KIF7: variants seen among roughly 807,000 people sequenced by gnomAD.
The protein encoded by KIF7 is kinesin-like protein KIF7.
A neutral mutation model predicts 135.7 loss-of-function variants in KIF7; 104 were observed. The ratio of observed to expected loss-of-function variants is 0.77; its 90% CI spans 0.65 to 0.90. KIF7 has a LOEUF of 0.90. Among genes scored for constraint, KIF7 ranks in the 40% least tolerant of loss-of-function variants. KIF7 has a pLI of 0.00. For synonymous variants in KIF7, 883 were observed against 809.4 expected (o/e 1.09, Z -1.54); for missense variants, 2,005 against 1,839.1 (o/e 1.09, Z -1.65).
the KIF7 span, among the ~76,000 whole-genome samples, chr15:89,662,381 C>T: frequency 6.6e-6 from 1 of 152,168 alleles, no homozygotes; most frequent in Non-Finnish European, 1.5e-5. Context: ...CCTGTAATCT[C>T]AGCTATTCAG....
At chr15:89,629,232 T>TGGGCC (rs1963612978) in intron 17 of KIF7, 110 bp from the exon 18 acceptor site, 2 of 1,069,918 alleles carry the variant, frequency 1.9e-6, no homozygotes, top group Admixed American at 4.4e-5. Flanking sequence ...TTGTGAGCGG[T>TGGGCC]GGGCCGGGCC....
chr15:89,631,676 C>A lies in KIF7; in HGVS notation c.2930G>T (p.Arg977Leu). 6.4e-7 allele frequency: 1 copy of A among 1,558,038 alleles called. No individual in the cohort carries two copies. The highest frequency in any genetic ancestry group is 8.7e-7 in the Non-Finnish European group (1 of 1,149,754). Residue 977 changes from arginine (R) to leucine (L), a missense_variant, in exon 15 of 19, where the codon CGG becomes CTG. By Grantham distance (102) the Arg-to-Leu change is moderately radical (BLOSUM62 -2). Transcript: ENST00000394412. The stretch of plus-strand genomic sequence containing the variant: ...CAGCTCCTTCTCCAGGTGCTCCAGC[C>A]GGCTGGACACTCGCACGATGTCCTC... ...LNEDIVRVSS[R>L]LEHLEKELSE...
chr15:89,649,493 C>T (rs573958375), intron 3 of KIF7, 126 bp from the exon 4 acceptor site: 7 of 1,153,252 alleles, frequency 6.1e-6, no homozygotes, highest in African/African-American at 1.5e-5. Flanking sequence ...CCCATGCCCA[C>T]GGGGTACTGC....
chr15:89,648,181 C>T (rs1288531862), intron 5 of KIF7, 74 bp downstream of exon 5: 1 of 1,389,166 alleles, frequency 7.2e-7, no homozygotes, highest in African/African-American at 1.5e-5. Flanking sequence ...CAGCTGCTGT[C>T]TGAAGACCCT....
Position 89,652,840 on chromosome 15 carries a change from G to C in KIF7, c.91C>G (p.Leu31Val). The C allele has an allele frequency of 6.5e-7, 1 of 1,549,714 alleles. No individual in the cohort carries two copies. The highest frequency in any genetic ancestry group is 8.7e-7 in the Non-Finnish European group (1 of 1,146,480). Reference protein sequence around the residue: ...RVRPLLPKELLHGHQSCLQVE... With the variant: ...RVRPLLPKELVHGHQSCLQVE... ...TGCAGGCAGCTCTGATGCCCGTGCA[G>C]CAGCTCCTTGGGCAGCAGTGGTCGA... The change falls in exon 2 of 19, where the codon CTG becomes GTG. Residue 31 changes from leucine (L) to valine (V), a missense_variant. Leu to Val is a conservative substitution (Grantham distance 32, BLOSUM62 1). Transcript: ENST00000394412.
At chr15:89,654,750 C>A (rs1326726314) in intron 1 of KIF7, among the ~76,000 whole-genome samples, 1 of 152,226 alleles carries the variant, frequency 6.6e-6, no homozygotes, top group East Asian at 1.9e-4. Flanking sequence ...CCTGCCCTCC[C>A]TCCTCCTACC....
chr15:89,654,246 T>A (rs1481996515), intron 1 of KIF7, among the ~76,000 whole-genome samples: 1 of 152,002 alleles, frequency 6.6e-6, no homozygotes, highest in East Asian at 1.9e-4. Context: ...CCTGACCTCG[T>A]GATCTGCCCG....
downstream of KIF7, chr15:89,623,652 G>A (rs1435099839): frequency 5.0e-6 from 8 of 1,609,910 alleles, no homozygotes; most frequent in South Asian, 1.1e-5. Context: ...AGAAATCTCT[G>A]AGCTTTTCTA....
chr15:89,656,587 A>G (rs1311057865), upstream of KIF7, among the ~76,000 whole-genome samples: 1 of 152,176 alleles, frequency 6.6e-6, no homozygotes, highest in Non-Finnish European at 1.5e-5. Flanking sequence ...GATATAGGAA[A>G]GTCATCCACA....
intron 10 of KIF7, among the ~76,000 whole-genome samples, chr15:89,644,599 C>T (rs533213225): frequency 6.6e-6 from 1 of 151,952 alleles, no homozygotes; most frequent in African/African-American, 2.4e-5. Context: ...GCAGGAGAAT[C>T]GCTTGAACCC....
intron 2 of KIF7, chr15:89,650,154 C>G: frequency 3.4e-6 from 2 of 584,208 alleles, no homozygotes; most frequent in South Asian, 3.9e-5. Flanking sequence ...TGGAAGCAAC[C>G]TCTCCTGATT....
chr15:89,644,779 A>G (rs1192813284), intron 10 of KIF7, among the ~76,000 whole-genome samples: 1 of 152,194 alleles, frequency 6.6e-6, no homozygotes, highest in South Asian at 2.1e-4. Flanking sequence ...CAACACCCCT[A>G]TTCAGTAGGT....
At position 89,645,080 on chromosome 15, in the gene KIF7, C is replaced by A. The variant is rs766692566; in HGVS notation, c.2124G>T (p.Gln708His). 6.2e-7 allele frequency: 1 copy of A among 1,604,686 alleles called. No homozygotes were observed. The highest frequency in any genetic ancestry group is 2.2e-5 in the East Asian group (1 of 44,882). ...TGTTGATAGCCAGCTCCCGGATCTT[C>A]TGCTGGGCCTGGGCCAGCCGCCACT... is the stretch of plus-strand genomic sequence containing the variant. ...ASEWRLAQAQQKIRELAINIR... is the reference protein window; with the variant it reads ...ASEWRLAQAQHKIRELAINIR... Residue 708 changes from glutamine (Q) to histidine (H), a missense_variant, in exon 10 of 19, where the codon CAG becomes CAT. Transcript: ENST00000394412.
chr15:89,659,024 A>T (rs1403506514), upstream of KIF7, among the ~76,000 whole-genome samples: 4 of 152,186 alleles, frequency 2.6e-5, no homozygotes, highest in African/African-American at 9.7e-5. Flanking sequence ...GGTTAAAAAC[A>T]AACAAAAATC....
intron 2 of KIF7, among the ~76,000 whole-genome samples, chr15:89,651,897 C>G (rs747506748): frequency 3.3e-5 from 5 of 152,058 alleles, no homozygotes; most frequent in Non-Finnish European, 5.9e-5. Context: ...TGAGAGAGAC[C>G]CCTTCTGTGT....
rs757264957 is a variant in KIF7, at chr15:89,632,935, C to T, written c.2780G>A (p.Arg927Gln). 2.5e-5 allele frequency: 40 copies of T among 1,610,378 alleles called. No individual in the cohort carries two copies. The Admixed American group carries it at 4.2e-4, about 17-fold the overall frequency. ...CTCCTCCCCCAGCTCCTCCAGCGCC[C>T]GCCGCTGCTGTAGCACCTTCTCCAT... Reference protein sequence around the residue: ...QEMEKVLQQRRALEELGEELH... With the variant: ...QEMEKVLQQRQALEELGEELH... The change falls in exon 14 of 19, where the codon CGG becomes CAG. Residue 927 changes from arginine to glutamine, a missense_variant. By Grantham distance (43) the Arg-to-Gln change is conservative. Transcript: ENST00000394412.
chr15:89,629,337 G>T, intron 17 of KIF7, 38 bp downstream of exon 17: 3 of 1,508,004 alleles, frequency 2.0e-6, no homozygotes, highest in Non-Finnish European at 2.7e-6. Context: ...GGGGGATGGA[G>T]GGGGCCGGGG....
Position 89,643,687 on chromosome 15 carries a change from C to T in KIF7, c.2192-1282G>A, listed in dbSNP as rs1033180798. The stretch of plus-strand genomic sequence containing the variant: ...GGATCACGAGGTCAAGAGATCGAGA[C>T]CATCCTGGCCAACATGGTGAAACCC... On this transcript the variant is annotated intron_variant, in intron 10 of 18. Transcript: ENST00000394412. Among the ~76,000 whole-genome samples, 16 of 152,276 alleles carry T rather than the reference C, an allele frequency of 1.1e-4. No homozygotes were observed. In the South Asian group the frequency reaches 2.1e-3, roughly 20 times the overall value.
In KIF7 at chr15:89,621,495, G is replaced by A. The variant is rs201761582; in HGVS notation, c.181-3300C>T. 1,133 of 1,613,952 alleles carry A rather than the reference G, an allele frequency of 7.0e-4. 17 individuals are homozygous for A. In the South Asian group the frequency reaches 0.01, roughly 14 times the overall value. ...AGCCCCTCAGAAAAGGGTTCAGCTCGAATGAAAAAGCGTTCAAGAAACACT... is the reference window on the plus strand; with the variant it reads ...AGCCCCTCAGAAAAGGGTTCAGCTCAAATGAAAAAGCGTTCAAGAAACACT... On this transcript the variant is annotated intron_variant and NMD_transcript_variant, in intron 1 of 2. Transcript: ENST00000558928.
Sources: allele counts gnomAD v4.1 joint callset (sites outside exome capture counted in the v4.1 genomes callset), GRCh38; gene constraint gnomAD v4.1.1; transcripts MANE v1.5; gene names NCBI Gene and HGNC (gene_info 2026-07-23, HGNC 2026-07-21).